The following DPYD variants were observed in gnomAD, a reference collection of about 807,000 sequenced individuals.
DPYD encodes the protein dihydropyrimidine dehydrogenase, also known as dihydropyrimidine dehydrogenase [NADP(+)].
In DPYD, 109 loss-of-function variants were observed where a neutral mutation model predicts 116.2. That is an observed-to-expected ratio of 0.94 (90% CI 0.80 to 1.10). DPYD has a LOEUF of 1.10. Ranked by LOEUF, DPYD falls within the 50% of genes least tolerant of loss-of-function variation. DPYD has a pLI of 0.00. For missense variants in DPYD, 1,302 were observed against 1,254.5 expected, an observed-to-expected ratio of 1.04 and a Z score of -0.57; for synonymous variants, 440 against 432.0, an observed-to-expected ratio of 1.02 and a Z score of -0.23.
intron 19 of DPYD, among the ~76,000 whole-genome samples, chr1:97,229,587 T>TATATATATATATAA (rs1434809487): frequency 7.7e-5 from 5 of 64,678 alleles, no homozygotes; most frequent in African/African-American, 2.9e-4. Flanking sequence ...TATATATATA[T>TATATATATATATAA]ATACTGATTT....
At chr1:97,239,325 A>G (rs899915514) in intron 18 of DPYD, among the ~76,000 whole-genome samples, 10 of 152,176 alleles carry the variant, frequency 6.6e-5, no homozygotes, top group African/African-American at 2.4e-4. Context: ...ATATCATTTT[A>G]AATACAATTT....
chr1:97,593,200 C>G lies in DPYD; in HGVS notation c.1128+18G>C. On this transcript the variant is annotated intron_variant, in intron 10 of 22. Coordinates refer to ENST00000370192, the MANE Select transcript of DPYD (RefSeq NM_000110.4). ...CTGTTGGAGTACAACTCCATATTTT[C>G]TGATGGTTCCATTTTACCTCCTCAG... The G allele has an allele frequency of 6.2e-7, 1 of 1,613,440 alleles. No individual in the cohort carries two copies. Among genetic ancestry groups the G allele is most frequent in the African/African-American group, 1.3e-5 (1 of 75,026 alleles).
At position 97,432,833 on chromosome 1, in the gene DPYD, G is replaced by A. The variant is rs142475554; in HGVS notation, c.1905+17226C>T. 8.7e-3 allele frequency among the ~76,000 whole-genome samples: 1,324 copies of A among 152,160 alleles called. 11 individuals are homozygous for A. Among genetic ancestry groups the A allele is most frequent in the Admixed American group, 0.014 (208 of 15,264 alleles). ...TTGTGCCGCTGCTTTAGTTAGATTC[G>A]GTTCTTCATTGCCTTCAAATGTGTC... is the stretch of plus-strand genomic sequence containing the variant. On this transcript the variant is annotated intron_variant, in intron 14 of 22. Coordinates refer to ENST00000370192, the MANE Select transcript of DPYD (RefSeq NM_000110.4).
At chr1:97,508,078 A>C (rs893167572) in intron 13 of DPYD, among the ~76,000 whole-genome samples, 1 of 152,018 alleles carries the variant, frequency 6.6e-6, no homozygotes, top group Non-Finnish European at 1.5e-5. Context: ...TGCTGTAGTG[A>C]GCAAGAAAGA....
At chr1:97,751,456 G>GTGTGTGTA (rs1664898205) in intron 3 of DPYD, among the ~76,000 whole-genome samples, 1 of 24,422 alleles carries the variant, frequency 4.1e-5, no homozygotes, top group Non-Finnish European at 8.3e-5. Flanking sequence ...GTGTGTGTGT[G>GTGTGTGTA]TGTGTATATA....
chr1:97,668,059 A>C (rs1395076891), intron 8 of DPYD, among the ~76,000 whole-genome samples: 1 of 152,156 alleles, frequency 6.6e-6, no homozygotes, highest in Non-Finnish European at 1.5e-5. Context: ...TTGCAAGATG[A>C]AAAGAGTTCT....
intron 1 of DPYD, among the ~76,000 whole-genome samples, chr1:97,889,354 C>T (rs1672659910): frequency 6.6e-6 from 1 of 151,926 alleles, no homozygotes; most frequent in Non-Finnish European, 1.5e-5. Context: ...CAAGATGCAA[C>T]TATGTTCTGT....
Position 97,883,327 on chromosome 1 carries a change from A to C in DPYD, c.87T>G (p.Cys29Trp). The C allele has an allele frequency of 6.2e-7, 1 of 1,612,994 alleles. No individual in the cohort carries two copies. Among genetic ancestry groups the C allele is most frequent in the Non-Finnish European group, 8.5e-7 (1 of 1,179,252 alleles). Reference sequence around the variant, plus strand: ...TGTCTAATTTCTTGGCCGAAGTGGAACACAGAGTTGCATGAGTTTGTGTTC... The same window carrying C: ...TGTCTAATTTCTTGGCCGAAGTGGACCACAGAGTTGCATGAGTTTGTGTTC... ...NPRTQTHATL[C>W]STSAKKLDKK... Residue 29 changes from cysteine (C) to tryptophan (W), a missense_variant, in exon 2 of 23, where the codon TGT (cysteine) becomes TGG (tryptophan). By Grantham distance (215) the Cys-to-Trp change is radical. Transcript: ENST00000370192.
intron 1 of DPYD, among the ~76,000 whole-genome samples, chr1:97,920,680 A>C (rs1373787307): frequency 6.6e-6 from 1 of 152,212 alleles, no homozygotes; most frequent in Non-Finnish European, 1.5e-5. Flanking sequence ...CCAGTAGCGG[A>C]AAGTCCTCCC....
Position 97,805,702 on chromosome 1 carries a change from C to A in DPYD, c.233+22412G>T, listed in dbSNP as rs1461262511. On this transcript the variant is annotated intron_variant, in intron 3 of 22. Transcript: ENST00000370192. ...ATCTGAGAAAGCAAGGAGAAGTAGA[C>A]AAACAAAAGTTCCTAAGAGAGGAGA... is the stretch of plus-strand genomic sequence containing the variant. Among the ~76,000 whole-genome samples, 5 of 151,472 alleles carry A rather than the reference C, an allele frequency of 3.3e-5. No individual in the cohort carries two copies. In the South Asian group the frequency reaches 1.0e-3, roughly 32 times the overall value.
intron 20 of DPYD, among the ~76,000 whole-genome samples, chr1:97,180,343 A>G (rs1466169433): frequency 2.6e-5 from 4 of 152,164 alleles, no homozygotes; most frequent in African/African-American, 9.6e-5. Flanking sequence ...GATGGGCTTA[A>G]CGGGAGATAT....
At chr1:97,898,408 C>T (rs1314539460) in intron 1 of DPYD, among the ~76,000 whole-genome samples, 2 of 151,844 alleles carry the variant, frequency 1.3e-5, no homozygotes, top group Non-Finnish European at 2.9e-5. Context: ...TTCCACCAGG[C>T]TTTGTGTGGT....
intron 2 of DPYD, among the ~76,000 whole-genome samples, chr1:97,853,809 C>T (rs1670681699): frequency 6.6e-6 from 1 of 152,130 alleles, no homozygotes; most frequent in Non-Finnish European, 1.5e-5. Flanking sequence ...CTCCCACTTT[C>T]CAGTATTGTT....
chr1:97,284,869 T>G (rs1203608780), intron 18 of DPYD, among the ~76,000 whole-genome samples: 3 of 152,230 alleles, frequency 2.0e-5, no homozygotes, highest in Non-Finnish European at 4.4e-5. Flanking sequence ...TTTGTGCTGC[T>G]GTATTTTTGA....
intron 2 of DPYD, among the ~76,000 whole-genome samples, chr1:97,838,701 C>T (rs1253284776): frequency 1.3e-5 from 2 of 151,982 alleles, no homozygotes; most frequent in Non-Finnish European, 2.9e-5. Context: ...AAAAATTAGC[C>T]GGGCGCGGTG....
intron 11 of DPYD, among the ~76,000 whole-genome samples, chr1:97,569,536 C>A (rs1652754910): frequency 6.6e-6 from 1 of 150,882 alleles, no homozygotes; most frequent in Non-Finnish European, 1.5e-5. Flanking sequence ...ATTTGTAAAG[C>A]AGAAATGCAG....
chr1:97,782,997 C>T (rs921894093), intron 3 of DPYD, among the ~76,000 whole-genome samples: 7 of 152,162 alleles, frequency 4.6e-5, no homozygotes, highest in Admixed American at 1.3e-4. Flanking sequence ...ATTCTGAAAG[C>T]ATGGGGTAGG....
intron 18 of DPYD, 58 bp from the exon 19 acceptor site, chr1:97,235,052 T>C (rs1040355610): frequency 1.1e-5 from 18 of 1,600,356 alleles, no homozygotes; most frequent in Admixed American, 6.7e-5. Context: ...TATACTGTCT[T>C]ATATTACTTC....
intron 20 of DPYD, among the ~76,000 whole-genome samples, chr1:97,111,860 T>G (rs923871424): frequency 3.9e-5 from 6 of 152,090 alleles, no homozygotes; most frequent in African/African-American, 1.2e-4. Context: ...TGGCTCCATT[T>G]TTACTAGGTT....
Sources: allele counts gnomAD v4.1 joint callset (sites outside exome capture counted in the v4.1 genomes callset), GRCh38; gene constraint gnomAD v4.1.1; transcripts MANE v1.5; gene names NCBI Gene and HGNC (gene_info 2026-07-23, HGNC 2026-07-21).